The following AFF3 variants were observed in gnomAD, a reference collection of about 807,000 sequenced individuals.
The protein encoded by AFF3 is AF4/FMR2 family member 3.
In AFF3, 32 loss-of-function variants were observed where a neutral mutation model predicts 129.7. That is an observed-to-expected ratio of 0.25 (90% confidence interval 0.19 to 0.33). The LOEUF (loss-of-function observed/expected upper bound fraction) is 0.33, where lower values mean the gene tolerates loss of function less well. Among genes scored for constraint, AFF3 ranks in the 10% least tolerant of loss-of-function variants. The probability of loss-of-function intolerance (pLI) is 1.00; values close to 1 mark genes in which losing one functional copy is unlikely to be tolerated. For missense variants in AFF3, 1,373 were observed against 1,592.0 expected (o/e 0.86, Z 2.34); for synonymous variants, 644 against 635.4 (o/e 1.01, Z -0.20).
intron 12 of AFF3, among the ~76,000 whole-genome samples, chr2:99,672,178 T>TCACA (rs1177303721): frequency 5.0e-3 from 282 of 56,280 alleles, no homozygotes; most frequent in Non-Finnish European, 6.8e-3. Flanking sequence ...AGTTAGCTTC[T>TCACA]CACACACACA....
chr2:100,090,283 A>G (rs1689743010), intron 4 of AFF3, among the ~76,000 whole-genome samples: 1 of 151,280 alleles, frequency 6.6e-6, no homozygotes, highest in Admixed American at 6.6e-5. Flanking sequence ...TTGCTGTACC[A>G]TCATTATTGT....
chr2:99,793,063 T>C (rs1180801916), intron 8 of AFF3, among the ~76,000 whole-genome samples: 3 of 152,192 alleles, frequency 2.0e-5, no homozygotes, highest in Admixed American at 6.5e-5. Context: ...ACCCCTGGTG[T>C]TGGAGGTGGG....
intron 4 of AFF3, among the ~76,000 whole-genome samples, chr2:100,084,171 G>A (rs911862708): frequency 1.1e-4 from 16 of 152,206 alleles, no homozygotes; most frequent in African/African-American, 3.4e-4. Context: ...TACAGTAATC[G>A]GTACAGTCCC....
intron 11 of AFF3, among the ~76,000 whole-genome samples, chr2:99,694,140 C>A (rs569356078): frequency 2.0e-5 from 3 of 151,768 alleles, no homozygotes; most frequent in Non-Finnish European, 3.0e-5. Context: ...TCAGGTGATC[C>A]GCCTGCCTCG....
chr2:99,870,307 G>C (rs2105958767), intron 7 of AFF3, among the ~76,000 whole-genome samples: 1 of 152,296 alleles, frequency 6.6e-6, no homozygotes, highest in South Asian at 2.1e-4. Flanking sequence ...TTGGCTATCT[G>C]GACAACCTGC....
At chr2:99,790,685 A>T (rs767101239) in intron 8 of AFF3, among the ~76,000 whole-genome samples, 3 of 152,216 alleles carry the variant, frequency 2.0e-5, no homozygotes, top group Non-Finnish European at 4.4e-5. Flanking sequence ...CCTACAGTGC[A>T]TAGGAGAGTC....
intron 7 of AFF3, among the ~76,000 whole-genome samples, chr2:99,838,376 C>T (rs952152355): frequency 2.0e-5 from 3 of 152,168 alleles, no homozygotes; most frequent in African/African-American, 7.2e-5. Context: ...TGAGGCTTTT[C>T]TCCACAGTCT....
At chr2:100,025,098 A>G (rs1345082710) in intron 4 of AFF3, among the ~76,000 whole-genome samples, 1 of 152,206 alleles carries the variant, frequency 6.6e-6, no homozygotes, top group Non-Finnish European at 1.5e-5. Context: ...TATCAAATAC[A>G]GCACAGGATT....
chr2:99,593,917 A>C lies in AFF3; in HGVS notation c.1744T>G (p.Ser582Ala). 1 of 1,411,356 alleles carries C rather than the reference A, an allele frequency of 7.1e-7. No individual in the cohort carries two copies. The highest frequency in any genetic ancestry group is 9.2e-7 in the Non-Finnish European group (1 of 1,086,298). 87.4% of individuals were successfully genotyped at this position (1,411,356 alleles called of 1,614,324 possible). Residue 582 changes from serine (S) to alanine (A), a missense_variant, in exon 15 of 25, where the codon TCC becomes GCC. Transcript: ENST00000672756. ...AENAPAPARR[S>A]AGKKPTRRTE... ...CGCCTGGTGGGCTTCTTGCCCGCGG[A>C]CCTCCGGGCAGGCGCGGGCGCGTTC...
intron 7 of AFF3, among the ~76,000 whole-genome samples, chr2:99,899,042 C>T (rs1694178014): frequency 6.6e-6 from 1 of 152,246 alleles, no homozygotes; most frequent in African/African-American, 2.4e-5. Context: ...ATTTCTGCTA[C>T]AGCCATTGTC....
chr2:99,693,436 G>T (rs1161911240), intron 11 of AFF3, among the ~76,000 whole-genome samples: 1 of 151,878 alleles, frequency 6.6e-6, no homozygotes, highest in Non-Finnish European at 1.5e-5. Context: ...ATACTATTAG[G>T]ATTTTTAATC....
intron 8 of AFF3, among the ~76,000 whole-genome samples, chr2:99,815,550 G>A (rs1290489248): frequency 2.0e-5 from 3 of 149,676 alleles, no homozygotes; most frequent in Non-Finnish European, 3.0e-5. Flanking sequence ...CTGACTTTCT[G>A]ACTATATCAT....
chr2:99,980,575 T>C (rs983201856), intron 7 of AFF3, among the ~76,000 whole-genome samples: 4 of 152,248 alleles, frequency 2.6e-5, no homozygotes, highest in Non-Finnish European at 4.4e-5. Flanking sequence ...CCAGGTTTCT[T>C]GGCCTTAAGC....
rs1383901374 is a variant in AFF3, at chr2:99,582,901, G to A, written c.2690C>T (p.Thr897Ile). 3.1e-6 allele frequency: 5 copies of A among 1,614,212 alleles called. No individual in the cohort carries two copies. Among genetic ancestry groups the A allele is most frequent in the Middle Eastern group, 1.6e-4 (1 of 6,062 alleles). ...GTTGCCATTAGGTCGGCTGGAAGAA[G>A]TTAAGTCCTCGCTGGTGTATTTGTG... ...SKHKYTSEDLTSSSRPNGNSL... is the reference protein window; with the variant it reads ...SKHKYTSEDLISSSRPNGNSL... The change falls in exon 17 of 25, where the codon ACT becomes ATT. Residue 897 changes from threonine to isoleucine, a missense_variant. Around this residue, in one of 9 missense-constraint regions of AFF3, gnomAD observed 466 missense variants for 505.0 expected, o/e 0.92. Coordinates refer to ENST00000672756, the MANE Select transcript of AFF3 (RefSeq NM_001386135.1).
intron 9 of AFF3, 54 bp from the exon 10 acceptor site, chr2:99,744,194 A>C: frequency 6.6e-7 from 1 of 1,515,896 alleles, no homozygotes; most frequent in South Asian, 1.2e-5. Flanking sequence ...TCAAAATCCA[A>C]GTTAAACATG....
chr2:100,123,810 T>A (rs1692078087), intron 2 of AFF3, among the ~76,000 whole-genome samples: 1 of 151,978 alleles, frequency 6.6e-6, no homozygotes, highest in Non-Finnish European at 1.5e-5. Context: ...AGTCACTTAA[T>A]CCCACTCCCT....
intron 7 of AFF3, among the ~76,000 whole-genome samples, chr2:99,894,171 C>G (rs1248004312): frequency 1.3e-5 from 2 of 149,314 alleles, no homozygotes; most frequent in African/African-American, 5.0e-5. Flanking sequence ...TCACAAAGCC[C>G]AGAAAAATAC....
In AFF3 at chr2:99,753,374, A is replaced by G. The variant is rs1319553661; in HGVS notation, c.922-1073T>C. ...CTTGGGCTCCCAAAGTGCTGGGATT[A>G]CAGGCATAAGCTACTGCGCCTGGCC... On this transcript the variant is annotated intron_variant, in intron 8 of 24. Coordinates refer to ENST00000672756, the MANE Select transcript of AFF3 (RefSeq NM_001386135.1). Among the ~76,000 whole-genome samples the G allele has an allele frequency of 3.3e-5, 5 of 152,194 alleles. No homozygotes were observed. In the East Asian group the frequency reaches 9.7e-4, roughly 29 times the overall value.
intron 11 of AFF3, among the ~76,000 whole-genome samples, chr2:99,720,317 G>T (rs1039641009): frequency 2.2e-4 from 33 of 152,152 alleles, no homozygotes; most frequent in Admixed American, 6.5e-4. Flanking sequence ...GAAGGTGAGT[G>T]AGTTCTCACT....
Sources: gnomAD v4.1 joint callset for allele counts (sites outside exome capture counted in the v4.1 genomes callset) on GRCh38, gnomAD v4.1.1 for gene constraint, gnomAD v4.1.1 regional missense constraint, MANE v1.5 for transcripts, NCBI Gene and HGNC (gene_info 2026-07-23, HGNC 2026-07-21) for gene names.